TOB2: variants seen among roughly 807,000 people sequenced by gnomAD.
The protein encoded by TOB2 is protein Tob2.
TOB2 carries 3 observed loss-of-function variants against 17.3 expected under a neutral mutation model. The ratio of observed to expected loss-of-function variants is 0.17; its 90% CI spans 0.08 to 0.45. TOB2 has a LOEUF of 0.45. Ranked by LOEUF, TOB2 falls within the 20% of genes least tolerant of loss-of-function variation. The pLI is 0.99. For missense variants in TOB2, 407 were observed against 445.7 expected, an observed-to-expected ratio of 0.91 and a Z score of 0.78; for synonymous variants, 163 against 185.6, an observed-to-expected ratio of 0.88 and a Z score of 0.99.
chr22:41,439,482 CGTATGTATGTATGTATGTATGTAT>C (rs6147628), intron 1 of TOB2, among the ~76,000 whole-genome samples: 57 of 148,094 alleles, frequency 3.8e-4, no homozygotes, highest in South Asian at 1.3e-3. Context: ...TTTAATTTTA[CGTATGTATGTATGTATGTATGTAT>C]GTATGTATGT....
Position 41,436,985 on chromosome 22 carries a change from C to T in TOB2, c.361G>A (p.Gly121Ser), listed in dbSNP as rs150938078. 5.2e-5 allele frequency: 84 copies of T among 1,614,118 alleles called. No homozygotes were observed. In the African/African-American group the frequency reaches 8.0e-4, roughly 15 times the overall value. Residue 121 changes from glycine to serine, a missense_variant, in exon 2 of 2, where the codon GGT (glycine) becomes AGT (serine). Physicochemically the swap from Gly to Ser is moderately conservative, Grantham distance 56. Transcript: ENST00000327492. The surrounding 1 kb of genome is among the most constrained non-coding windows in gnomAD (Gnocchi z 4.8). ...VLYLDDSEGCGAPELDKEIKS... is the reference protein window; with the variant it reads ...VLYLDDSEGCSAPELDKEIKS... ...ATCTCCTTGTCCAGCTCTGGGGCACCGCAACCCTCACTGTCATCCAGGTAC... is the reference window on the plus strand; with the variant it reads ...ATCTCCTTGTCCAGCTCTGGGGCACTGCAACCCTCACTGTCATCCAGGTAC...
At chr22:41,444,025 C>T (rs1000305982) in intron 1 of TOB2, among the ~76,000 whole-genome samples, 4 of 152,204 alleles carry the variant, frequency 2.6e-5, no homozygotes, top group Admixed American at 2.0e-4. Flanking sequence ...TACTCAGACA[C>T]CTCTAAGCCT....
Position 41,437,175 on chromosome 22 carries a change from A to T in TOB2, c.171T>A (p.Cys57Ter). The change falls in exon 2 of 2, where the codon TGT (cysteine) becomes TGA (stop). Residue 57 changes from cysteine to a stop codon, truncating the protein, a stop_gained. Coordinates refer to ENST00000327492, the MANE Select transcript of TOB2 (RefSeq NM_016272.4). LOFTEE classifies it high-confidence loss of function. ...GGTCCACCATCTCCCCAATGTGAAC[A>T]CAGCGGAAGCCAGAGCCTTTCAGTG... ...EKPLKGSGFR[C>*]VHIGEMVDPV... The T allele has an allele frequency of 6.2e-7, 1 of 1,614,166 alleles. No individual in the cohort carries two copies. The highest frequency in any genetic ancestry group is 8.5e-7 in the Non-Finnish European group (1 of 1,180,024).
Position 41,434,371 on chromosome 22 carries a change from G to A in TOB2, c.*1940C>T, listed in dbSNP as rs1039048028. 1 of 152,884 alleles carries A rather than the reference G, an allele frequency of 6.5e-6. No individual in the cohort carries two copies. Among genetic ancestry groups the A allele is most frequent in the Non-Finnish European group, 1.5e-5 (1 of 68,262 alleles). The allele number at this position is 152,884 out of a possible 1,614,324, so 9.5% of individuals were successfully genotyped here. A position where few individuals can be genotyped will look rare whatever the true frequency, so the allele number is the denominator to read the frequency against. ...TGTGTGGATGGGAGGAGGGCTAGAA[G>A]GGGATGTAAGGCAGCATCCAACCTT... is the stretch of plus-strand genomic sequence containing the variant. On this transcript the variant is annotated 3_prime_UTR_variant, in exon 2 of 2. Coordinates refer to ENST00000327492, the MANE Select transcript of TOB2 (RefSeq NM_016272.4).
chr22:41,439,855 T>G (rs1161918535), intron 1 of TOB2, among the ~76,000 whole-genome samples: 5 of 151,934 alleles, frequency 3.3e-5, no homozygotes, highest in Non-Finnish European at 1.5e-5. Context: ...AGAAAAAGAT[T>G]TCTGGGGTGA....
chr22:41,445,230 T>G (rs548229638), intron 1 of TOB2, among the ~76,000 whole-genome samples: 2 of 152,334 alleles, frequency 1.3e-5, no homozygotes, highest in South Asian at 4.1e-4. Flanking sequence ...CCTGAGCATC[T>G]TCTCATACTA....
intron 1 of TOB2, among the ~76,000 whole-genome samples, chr22:41,441,583 A>T (rs1242564020): frequency 6.6e-6 from 1 of 152,114 alleles, no homozygotes; most frequent in East Asian, 1.9e-4. Flanking sequence ...ATTCAAGACC[A>T]GCCTGGCCAA....
In TOB2 at chr22:41,436,557, G is replaced by A. The variant is rs61736465; in HGVS notation, c.789C>T (p.Asn263=). 4.9e-3 allele frequency: 7,846 copies of A among 1,609,368 alleles called. 206 individuals are homozygous for A. In the African/African-American group the frequency reaches 0.065, roughly 13 times the overall value. Residue 263 remains asparagine, a synonymous_variant, in exon 2 of 2, where the codon AAC becomes AAT. Transcript: ENST00000327492. The surrounding 1 kb of genome is among the most constrained non-coding windows in gnomAD (Gnocchi z 4.8). ...LSPNAKEFVY[N]GGGSPSLFFD... ...AGAAGAGGCTGGGTGAGCCACCACC[G>A]TTGTACACGAACTCCTTGGCATTGG...
rs1159772931 is a variant in TOB2, at chr22:41,446,397, G to C, written c.-81C>G. The C allele has an allele frequency of 2.6e-5, 4 of 152,754 alleles. No individual in the cohort carries two copies. The highest frequency in any genetic ancestry group is 9.6e-5 in the African/African-American group (4 of 41,478). The allele number at this position is 152,754 out of a possible 1,614,324, so 9.5% of individuals were successfully genotyped here. A position where few individuals can be genotyped will look rare whatever the true frequency, so the allele number is the denominator to read the frequency against. On this transcript the variant is annotated 5_prime_UTR_variant, in exon 1 of 2. Transcript: ENST00000327492. ...CACTCACTCGGGTCTCCGCGGCGGCGGGGCGCTCTACCGGCCGCGGGGCGG... is the reference window on the plus strand; with the variant it reads ...CACTCACTCGGGTCTCCGCGGCGGCCGGGCGCTCTACCGGCCGCGGGGCGG...
At chr22:41,441,864 T>C (rs1351562539) in intron 1 of TOB2, among the ~76,000 whole-genome samples, 4 of 151,202 alleles carry the variant, frequency 2.6e-5, no homozygotes, top group Admixed American at 2.0e-4. Context: ...TGAGCCAAGA[T>C]TGCGCCACTG....
chr22:41,436,641 C>G lies in TOB2; in HGVS notation c.705G>C (p.Leu235=), dbSNP rs1348209812. 1 of 1,613,984 alleles carries G rather than the reference C, an allele frequency of 6.2e-7. No individual in the cohort carries two copies. Among genetic ancestry groups the G allele is most frequent in the Non-Finnish European group, 8.5e-7 (1 of 1,180,018 alleles). The change falls in exon 2 of 2, where the codon CTG becomes CTC. Residue 235 remains leucine, a synonymous_variant. Coordinates refer to ENST00000327492, the MANE Select transcript of TOB2 (RefSeq NM_016272.4). The surrounding 1 kb of genome is among the most constrained non-coding windows in gnomAD (Gnocchi z 4.8). ...TGATGAAGTTCAGTGAATGCATAGA[C>G]AGAGAGAGGCTCTTGTGCTTCAGCA... The part of the protein sequence containing the change: ...NSLLKHKSLS[L]SMHSLNFITA...
intron 1 of TOB2, among the ~76,000 whole-genome samples, chr22:41,439,653 C>CTA (rs1569270257): frequency 6.6e-6 from 1 of 151,964 alleles, no homozygotes; most frequent in Non-Finnish European, 1.5e-5. Context: ...ATGGCTGGGA[C>CTA]TATAGGTGCC....
In TOB2 at chr22:41,436,250, G is replaced by T. The variant is rs898237903; in HGVS notation, c.*61C>A. The T allele has an allele frequency of 8.8e-6, 13 of 1,470,504 alleles. No homozygotes were observed. The highest frequency in any genetic ancestry group is 1.5e-5 in the South Asian group (1 of 67,836). 91.1% of individuals were successfully genotyped at this position (1,470,504 alleles called of 1,614,324 possible). On this transcript the variant is annotated 3_prime_UTR_variant, in exon 2 of 2. Transcript: ENST00000327492. This position sits in a 1 kb window ranked among gnomAD's most constrained non-coding sequence, Gnocchi z 4.8. Reference sequence around the variant, plus strand: ...ACATTTTTCTTTTCCTCTTTTTTTTGGCCTTTCCTTTCTCTTTTCTGTGGT... The same window carrying T: ...ACATTTTTCTTTTCCTCTTTTTTTTTGCCTTTCCTTTCTCTTTTCTGTGGT...
At chr22:41,445,323 T>A (rs1475127068) in intron 1 of TOB2, among the ~76,000 whole-genome samples, 2 of 152,236 alleles carry the variant, frequency 1.3e-5, no homozygotes, top group African/African-American at 4.8e-5. Flanking sequence ...CCGCTGGGTG[T>A]TAAACCTCCT....
intron 1 of TOB2, among the ~76,000 whole-genome samples, chr22:41,444,420 A>G (rs1182762348): frequency 6.6e-6 from 1 of 152,176 alleles, no homozygotes; most frequent in African/African-American, 2.4e-5. Flanking sequence ...ACTCGACTCA[A>G]CCCAAACGTA....
intron 1 of TOB2, among the ~76,000 whole-genome samples, chr22:41,438,765 AG>A (rs1485200372): frequency 1.3e-5 from 2 of 151,040 alleles, no homozygotes; most frequent in Non-Finnish European, 2.9e-5. Context: ...GGGCTGCCAC[AG>A]GGAAGCAGAG....
chr22:41,438,886 T>C (rs2037584733), intron 1 of TOB2, among the ~76,000 whole-genome samples: 1 of 152,044 alleles, frequency 6.6e-6, no homozygotes, highest in African/African-American at 2.4e-5. Flanking sequence ...CCATCATCAC[T>C]CAGTCTCCCA....
chr22:41,444,711 G>C (rs1249401207), intron 1 of TOB2, among the ~76,000 whole-genome samples: 1 of 152,176 alleles, frequency 6.6e-6, no homozygotes, highest in East Asian at 1.9e-4. Context: ...CTACCCAAAA[G>C]GCCTACTCCC....
chr22:41,438,486 C>G (rs565814229), intron 1 of TOB2, among the ~76,000 whole-genome samples: 2 of 151,198 alleles, frequency 1.3e-5, no homozygotes, highest in Admixed American at 6.6e-5. Context: ...AAAAATTAGC[C>G]GAGCATGGTG....
Sources: gnomAD v4.1 joint callset for allele counts (sites outside exome capture counted in the v4.1 genomes callset) on GRCh38, gnomAD v4.1.1 for gene constraint, Gnocchi (gnomAD v3.1) non-coding constraint, MANE v1.5 for transcripts, NCBI Gene and HGNC (gene_info 2026-07-23, HGNC 2026-07-21) for gene names.